Variants in SUPT3H observed in about 807,000 individuals in gnomAD.
The protein encoded by SUPT3H is SPT3 homolog, SAGA and STAGA complex component, also known as transcription initiation protein SPT3 homolog.
A neutral mutation model predicts 44.3 loss-of-function variants in SUPT3H; 44 were observed. The ratio of observed to expected loss-of-function variants is 0.99; its 90% CI spans 0.78 to 1.28. SUPT3H has a LOEUF of 1.28. Ranked by LOEUF, SUPT3H falls within the 50% of genes most tolerant of loss-of-function variation. SUPT3H has a pLI of 0.00. For missense variants in SUPT3H, 380 were observed against 387.1 expected (o/e 0.98, Z 0.15); for synonymous variants, 124 against 125.6 (o/e 0.99, Z 0.09).
chr6:45,098,781 C>T, intron 3 of SUPT3H: 2 of 508,254 alleles, frequency 3.9e-6, no homozygotes, highest in South Asian at 2.9e-5. Context: ...TGGAGAGATG[C>T]AGATTGATTA....
intron 6 of SUPT3H, among the ~76,000 whole-genome samples, chr6:45,002,996 T>C (rs1489499122): frequency 1.3e-5 from 2 of 152,160 alleles, no homozygotes; most frequent in African/African-American, 4.8e-5. Context: ...TACTGTCTTG[T>C]AATTTGGAAG....
chr6:44,933,608 A>C (rs1770946874), intron 9 of SUPT3H, among the ~76,000 whole-genome samples: 1 of 152,202 alleles, frequency 6.6e-6, no homozygotes, highest in Non-Finnish European at 1.5e-5. Context: ...GTTGAAATAC[A>C]TAAACCACTT....
intron 2 of SUPT3H, chr6:45,323,009 T>A: frequency 8.1e-7 from 1 of 1,229,942 alleles, no homozygotes; most frequent in African/African-American, 1.5e-5. Flanking sequence ...AAATCATCCT[T>A]AATAGAGATA....
chr6:45,102,408 G>A (rs1217963200), intron 3 of SUPT3H, among the ~76,000 whole-genome samples: 1 of 151,884 alleles, frequency 6.6e-6, no homozygotes, highest in African/African-American at 2.4e-5. Context: ...TACAATATGG[G>A]GGAGAAAACA....
At chr6:45,151,869 G>A (rs1807017198) in intron 2 of SUPT3H, among the ~76,000 whole-genome samples, 1 of 152,022 alleles carries the variant, frequency 6.6e-6, no homozygotes, top group African/African-American at 2.4e-5. Context: ...TGGTTGCTGG[G>A]ACACCATGCT....
At chr6:44,910,327 C>G (rs1766812494) in intron 10 of SUPT3H, among the ~76,000 whole-genome samples, 3 of 152,190 alleles carry the variant, frequency 2.0e-5, no homozygotes, top group Admixed American at 1.3e-4. Context: ...CCCAAGGTTT[C>G]TCTACTGCGT....
At chr6:45,128,990 T>C (rs1015837217) in intron 2 of SUPT3H, among the ~76,000 whole-genome samples, 24 of 152,182 alleles carry the variant, frequency 1.6e-4, no homozygotes, top group African/African-American at 5.8e-4. Context: ...CTGGCCTCTA[T>C]TAAAAGATTC....
At chr6:45,045,023 A>G (rs959309789) in intron 3 of SUPT3H, among the ~76,000 whole-genome samples, 2 of 152,212 alleles carry the variant, frequency 1.3e-5, no homozygotes, top group Non-Finnish European at 2.9e-5. Flanking sequence ...AGGAAAAAAG[A>G]GTGACCAACT....
intron 2 of SUPT3H, among the ~76,000 whole-genome samples, chr6:45,255,203 T>C (rs1396065805): frequency 2.0e-5 from 3 of 152,080 alleles, no homozygotes; most frequent in Non-Finnish European, 4.4e-5. Context: ...AGTTTGGTAG[T>C]ATTTGAGATT....
At chr6:45,310,471 C>T (rs1219502958) in intron 2 of SUPT3H, among the ~76,000 whole-genome samples, 2 of 152,116 alleles carry the variant, frequency 1.3e-5, no homozygotes, top group Non-Finnish European at 2.9e-5. Context: ...AGGAAGTCAA[C>T]CAGCACAAAA....
chr6:44,942,555 A>T (rs930420608), intron 9 of SUPT3H, among the ~76,000 whole-genome samples: 1 of 152,178 alleles, frequency 6.6e-6, no homozygotes, highest in African/African-American at 2.4e-5. Flanking sequence ...ACAGAATAGA[A>T]AAAGGGGGAG....
chr6:44,965,081 T>C (rs766350329), intron 6 of SUPT3H, among the ~76,000 whole-genome samples: 2 of 152,224 alleles, frequency 1.3e-5, no homozygotes, highest in East Asian at 3.8e-4. Flanking sequence ...AAACATGTCA[T>C]GTAGCTCCTA....
intron 2 of SUPT3H, among the ~76,000 whole-genome samples, chr6:45,163,259 C>A (rs1163990520): frequency 2.0e-5 from 3 of 152,124 alleles, no homozygotes; most frequent in African/African-American, 7.2e-5. Flanking sequence ...TGGTACAATT[C>A]ATTTCACTGC....
intron 10 of SUPT3H, among the ~76,000 whole-genome samples, chr6:44,905,705 A>G (rs1344120494): frequency 6.6e-6 from 1 of 152,206 alleles, no homozygotes; most frequent in East Asian, 1.9e-4. Flanking sequence ...ATGTTGCTAT[A>G]AAGACACATG....
chr6:45,345,682 AGG>A (rs1790703832), intron 2 of SUPT3H, among the ~76,000 whole-genome samples: 1 of 152,172 alleles, frequency 6.6e-6, no homozygotes, highest in Non-Finnish European at 1.5e-5. Context: ...CTACTACAAT[AGG>A]TCTTTCCACA....
At chr6:44,852,706 A>G (rs1262306995) in intron 10 of SUPT3H, among the ~76,000 whole-genome samples, 2 of 152,222 alleles carry the variant, frequency 1.3e-5, no homozygotes, top group Admixed American at 1.3e-4. Flanking sequence ...TAAATTCTCT[A>G]TATTTTTAAC....
chr6:44,862,541 G>A (rs2153426122), intron 10 of SUPT3H, among the ~76,000 whole-genome samples: 1 of 152,004 alleles, frequency 6.6e-6, no homozygotes, highest in African/African-American at 2.4e-5. Flanking sequence ...GCCGGGCGTG[G>A]TGGCAGGCAC....
chr6:45,211,966 C>T (rs1388540904), intron 2 of SUPT3H, among the ~76,000 whole-genome samples: 1 of 151,956 alleles, frequency 6.6e-6, no homozygotes, highest in Non-Finnish European at 1.5e-5. Context: ...GAGTTCAAGA[C>T]CAGCCTGACC....
At chr6:45,355,189 T>C (rs1563011687) in intron 2 of SUPT3H, among the ~76,000 whole-genome samples, 1 of 150,924 alleles carries the variant, frequency 6.6e-6, no homozygotes, top group Non-Finnish European at 1.5e-5. Flanking sequence ...CTTAAACTCC[T>C]GGGCTCAAGC....
Sources: allele counts gnomAD v4.1 joint callset (sites outside exome capture counted in the v4.1 genomes callset), GRCh38; gene constraint gnomAD v4.1.1; transcripts MANE v1.5; gene names NCBI Gene and HGNC (gene_info 2026-07-23, HGNC 2026-07-21).